The following WIPF3 variants were observed in gnomAD, a reference collection of about 807,000 sequenced individuals.
The protein encoded by WIPF3 is WAS/WASL interacting protein family member 3.
Under a neutral mutation model 38.9 loss-of-function variants are expected in WIPF3, and 33 were observed. The ratio of observed to expected loss-of-function variants is 0.85; its 90% confidence interval spans 0.64 to 1.14. WIPF3 has a LOEUF of 1.14. Among genes scored for constraint, WIPF3 ranks in the 50% most tolerant of loss-of-function variants. The probability of loss-of-function intolerance (pLI) is 0.00; values close to 1 mark genes in which losing one functional copy is unlikely to be tolerated. For synonymous variants in WIPF3, 324 were observed against 269.3 expected, an observed-to-expected ratio of 1.20 and a Z score of -1.99; for missense variants, 711 against 652.5, an observed-to-expected ratio of 1.09 and a Z score of -0.98.
At chr7:29,869,068 T>C (rs1345243414) in intron 2 of WIPF3, among the ~76,000 whole-genome samples, 2 of 151,980 alleles carry the variant, frequency 1.3e-5, no homozygotes, top group Non-Finnish European at 2.9e-5. Context: ...TCACTCGTGT[T>C]GCCCAGACTA....
At chr7:29,834,269 T>C (rs1784764133) in intron 1 of WIPF3, among the ~76,000 whole-genome samples, 2 of 152,018 alleles carry the variant, frequency 1.3e-5, no homozygotes, top group South Asian at 4.1e-4. Context: ...CTTAGGAAAA[T>C]GGGAGTCTAT....
At chr7:29,913,501 T>C (rs1194325497) in intron 8 of WIPF3, among the ~76,000 whole-genome samples, 1 of 152,216 alleles carries the variant, frequency 6.6e-6, no homozygotes, top group Non-Finnish European at 1.5e-5. Context: ...TTCCAAGTTT[T>C]CTACAATGAT....
chr7:29,832,709 C>T (rs1228449909), intron 1 of WIPF3, among the ~76,000 whole-genome samples: 2 of 152,146 alleles, frequency 1.3e-5, no homozygotes, highest in Non-Finnish European at 2.9e-5. Flanking sequence ...GGACTCTTTC[C>T]CCAAAAAAGT....
chr7:29,912,623 C>G (rs1786525060), intron 8 of WIPF3: 1 of 210,800 alleles, frequency 4.7e-6, no homozygotes, highest in Admixed American at 4.2e-5. Context: ...GGCACATTAC[C>G]TGTCTGACCT....
At chr7:29,862,547 G>A (rs779900876) in intron 2 of WIPF3, among the ~76,000 whole-genome samples, 35 of 152,200 alleles carry the variant, frequency 2.3e-4, no homozygotes, top group African/African-American at 8.4e-4. Flanking sequence ...AAATTTTTAT[G>A]TGTCCATGGT....
chr7:29,868,668 A>G (rs572836318), intron 2 of WIPF3, among the ~76,000 whole-genome samples: 4 of 152,234 alleles, frequency 2.6e-5, no homozygotes, highest in Non-Finnish European at 5.9e-5. Context: ...TTTTGTCATC[A>G]TGTGAACATC....
At position 29,879,088 on chromosome 7, in the gene WIPF3, G is replaced by C; in HGVS notation, c.303G>C (p.Leu101=). 1 of 1,612,184 alleles carries C rather than the reference G, an allele frequency of 6.2e-7. No individual in the cohort carries two copies. Among genetic ancestry groups the C allele is most frequent in the Non-Finnish European group, 8.5e-7 (1 of 1,179,156 alleles). The change falls in exon 4 of 9, where the codon CTG becomes CTC. Residue 101 remains leucine, a synonymous_variant. Coordinates refer to ENST00000242140, the MANE Select transcript of WIPF3 (RefSeq NM_001080529.3). The part of the protein sequence containing the change: ...GASTPPTLGD[L]FAGGFPVLRP... ...GCACACCTCCCACCCTGGGAGATCTGTTTGCTGGTGGCTTTCCTGTATTGC... is the reference window on the plus strand; with the variant it reads ...GCACACCTCCCACCCTGGGAGATCTCTTTGCTGGTGGCTTTCCTGTATTGC...
Position 29,904,463 on chromosome 7 carries a change from TC to T in WIPF3, c.1428+103del, listed in dbSNP as rs1473455760. ...TTTCTCCTAAACAGCTTTATATTTTTCCTCACACTCCTTTTCCTCAGGGAAA... is the reference window on the plus strand; with the variant it reads ...TTTCTCCTAAACAGCTTTATATTTTTCTCACACTCCTTTTCCTCAGGGAAA... On this transcript the variant is annotated intron_variant, in intron 8 of 8. Transcript: ENST00000242140. 9 of 1,216,278 alleles carry T rather than the reference TC, an allele frequency of 7.4e-6. No homozygotes were observed. The East Asian group carries it at 1.7e-4, about 22-fold the overall frequency. The allele number at this position is 1,216,278 out of a possible 1,614,324, so 75.3% of individuals were successfully genotyped here.
chr7:29,881,787 A>G, intron 4 of WIPF3, among the ~76,000 whole-genome samples: 1 of 152,252 alleles, frequency 6.6e-6, no homozygotes, highest in East Asian at 1.9e-4. Flanking sequence ...ATCTTTTGCT[A>G]AACCTGCATG....
intron 7 of WIPF3, among the ~76,000 whole-genome samples, chr7:29,897,278 G>A (rs557650179): frequency 4.6e-5 from 7 of 152,278 alleles, no homozygotes; most frequent in African/African-American, 1.7e-4. Context: ...TTCTGTGAAT[G>A]CTCTGAACAT....
chr7:29,822,123 GTTTTTTTTTTT>G, intron 1 of WIPF3, among the ~76,000 whole-genome samples: 3 of 62,876 alleles, frequency 4.8e-5, no homozygotes, highest in Admixed American at 2.0e-4. Context: ...TTTTTTCTTA[GTTTTTTTTTTT>G]TTTTTTTTTT....
chr7:29,915,483 A>G lies in WIPF3; in HGVS notation c.*967A>G, dbSNP rs543370143. 2.0e-5 allele frequency: 3 copies of G among 152,346 alleles called. No individual in the cohort carries two copies. The highest frequency in any genetic ancestry group is 3.9e-4 in the East Asian group (2 of 5,184). 9.4% of individuals were successfully genotyped at this position (152,346 alleles called of 1,614,324 possible). On this transcript the variant is annotated 3_prime_UTR_variant, in exon 9 of 9. Coordinates refer to ENST00000242140, the MANE Select transcript of WIPF3 (RefSeq NM_001080529.3). ...AAACATCGTGTGAAATACCTGCCAC[A>G]AATACCTAGTGCCTCACTGCCCCCA...
chr7:29,914,572 CCCCA>C lies in WIPF3; in HGVS notation c.*64_*67del. The C allele has an allele frequency of 7.7e-7, 1 of 1,305,598 alleles. No homozygotes were observed. The highest frequency in any genetic ancestry group is 1.0e-6 in the Non-Finnish European group (1 of 977,380). The allele number at this position is 1,305,598 out of a possible 1,614,324, so 80.9% of individuals were successfully genotyped here. On this transcript the variant is annotated 3_prime_UTR_variant, in exon 9 of 9. Coordinates refer to ENST00000242140, the MANE Select transcript of WIPF3 (RefSeq NM_001080529.3). ...CCAGGTTGCAGAACAACATGTCAGACCCCACCCACCCCATGCTCAAGCTGTAATT... is the reference window on the plus strand; with the variant it reads ...CCAGGTTGCAGAACAACATGTCAGACCCCACCCCATGCTCAAGCTGTAATT...
intron 2 of WIPF3, among the ~76,000 whole-genome samples, chr7:29,871,081 G>A (rs1420060644): frequency 6.6e-6 from 1 of 152,176 alleles, no homozygotes; most frequent in African/African-American, 2.4e-5. Flanking sequence ...AGATCTCAAT[G>A]TACCTCATTC....
At chr7:29,881,848 A>G (rs1258643497) in intron 4 of WIPF3, among the ~76,000 whole-genome samples, 2 of 152,192 alleles carry the variant, frequency 1.3e-5, no homozygotes, top group African/African-American at 2.4e-5. Context: ...GATGCCCTCA[A>G]TCTGGCCTTT....
At chr7:29,856,779 G>A (rs1785193128) in intron 2 of WIPF3, among the ~76,000 whole-genome samples, 1 of 152,114 alleles carries the variant, frequency 6.6e-6, no homozygotes, top group South Asian at 2.1e-4. Context: ...TTAGACAGAA[G>A]GTTGGTGGGG....
intron 2 of WIPF3, among the ~76,000 whole-genome samples, chr7:29,862,147 A>G (rs1785295054): frequency 6.6e-6 from 1 of 151,948 alleles, no homozygotes; most frequent in Admixed American, 6.6e-5. Flanking sequence ...TTCATGGGGC[A>G]TTTTCTTCCC....
chr7:29,818,912 A>C (rs1254223047), intron 1 of WIPF3, among the ~76,000 whole-genome samples: 1 of 152,224 alleles, frequency 6.6e-6, no homozygotes, highest in African/African-American at 2.4e-5. Context: ...ATAGTGAGTC[A>C]TATCAGTAGG....
At chr7:29,874,962 C>G (rs1180844169) in intron 2 of WIPF3, among the ~76,000 whole-genome samples, 2 of 152,202 alleles carry the variant, frequency 1.3e-5, no homozygotes, top group Non-Finnish European at 2.9e-5. Flanking sequence ...TTCAGCTGAT[C>G]TGGGTTTGAA....
Sources: gnomAD v4.1 joint callset for allele counts (sites outside exome capture counted in the v4.1 genomes callset) on GRCh38, gnomAD v4.1.1 for gene constraint, MANE v1.5 for transcripts, NCBI Gene and HGNC (gene_info 2026-07-23, HGNC 2026-07-21) for gene names.